OR3A2: variants seen among roughly 807,000 people sequenced by gnomAD.
OR3A2 encodes olfactory receptor 3A2.
For synonymous variants in OR3A2, 126 were observed against 159.3 expected, an observed-to-expected ratio of 0.79 and a Z score of 1.57; for missense variants, 318 against 392.8, an observed-to-expected ratio of 0.81 and a Z score of 1.61.
chr17:3,370,343 T>G (rs955536781), intron 2 of OR3A2, among the ~76,000 whole-genome samples: 2 of 152,198 alleles, frequency 1.3e-5, no homozygotes, highest in African/African-American at 4.8e-5. Flanking sequence ...GAATGATCTT[T>G]TGTATTTCTG....
exon 2 of OR3A2, chr17:3,278,037 C>T (rs1412080040): frequency 1.2e-6 from 2 of 1,611,232 alleles, no homozygotes; most frequent in Non-Finnish European, 8.5e-7. Flanking sequence ...GTTTCTGAGG[C>T]TGTAGATAAG....
chr17:3,308,442 C>A (rs1229879329), intron 3 of OR3A2, among the ~76,000 whole-genome samples: 1 of 152,118 alleles, frequency 6.6e-6, no homozygotes, highest in South Asian at 2.1e-4. Context: ...GGTCTCCATA[C>A]AAATGAAGTT....
chr17:3,355,436 CT>C (rs1463407233), intron 2 of OR3A2, among the ~76,000 whole-genome samples: 16 of 102,516 alleles, frequency 1.6e-4, no homozygotes, highest in African/African-American at 8.2e-4. Context: ...ATTTCTCTCT[CT>C]CTCTCTCTCT....
intron 3 of OR3A2, among the ~76,000 whole-genome samples, chr17:3,297,863 C>T (rs551653965): frequency 1.3e-5 from 2 of 151,828 alleles, no homozygotes; most frequent in East Asian, 1.9e-4. Context: ...TTGTGCAACA[C>T]GATAAAAGAT....
rs551222220 is a variant in OR3A2 at position 3,319,123 on chromosome 17, A to G, written c.-85+16910T>C. 7.9e-4 allele frequency among the ~76,000 whole-genome samples: 121 copies of G among 152,298 alleles called. 1 individual carries two copies. The highest frequency in any genetic ancestry group is 2.8e-3 in the African/African-American group (118 of 41,568). On this transcript the variant is annotated intron_variant, in intron 3 of 4. Transcript: ENST00000573491. The stretch of plus-strand genomic sequence containing the variant: ...GTCCATAGCCTTTACTATCATTGAA[A>G]AAACAGTGTCCCTCCACTAATTAAT...
chr17:3,312,871 G>A (rs946210329), intron 3 of OR3A2, among the ~76,000 whole-genome samples: 3 of 152,106 alleles, frequency 2.0e-5, no homozygotes, highest in Non-Finnish European at 4.4e-5. Flanking sequence ...TGATCCACCC[G>A]CCTCAGTCTC....
chr17:3,356,859 G>C (rs2049469344), intron 2 of OR3A2, among the ~76,000 whole-genome samples: 1 of 151,530 alleles, frequency 6.6e-6, no homozygotes, highest in African/African-American at 2.4e-5. Flanking sequence ...ACATGGCTAA[G>C]TACTGAGTTT....
At chr17:3,378,329 CCT>C (rs767002594) in intron 2 of OR3A2, among the ~76,000 whole-genome samples, 14 of 152,250 alleles carry the variant, frequency 9.2e-5, no homozygotes, top group Non-Finnish European at 1.3e-4. Context: ...ACGTCAGCCC[CCT>C]GAGTGTGTGC....
At chr17:3,382,107 G>A (rs768655204) in intron 2 of OR3A2, among the ~76,000 whole-genome samples, 6 of 152,154 alleles carry the variant, frequency 3.9e-5, no homozygotes, top group African/African-American at 1.2e-4. Context: ...GGAGCTGGGC[G>A]GGGTACTGGG....
intron 3 of OR3A2, chr17:3,310,866 C>T (rs570838350): frequency 2.9e-6 from 3 of 1,038,728 alleles, no homozygotes; most frequent in East Asian, 4.2e-5. Context: ...TGACCTCCCA[C>T]AGCCCTTCCA....
intron 2 of OR3A2, among the ~76,000 whole-genome samples, chr17:3,363,538 T>C (rs1346694547): frequency 1.3e-5 from 2 of 151,832 alleles, no homozygotes; most frequent in African/African-American, 2.4e-5. Flanking sequence ...GACAAGTCTC[T>C]ATGAAGTTCT....
intron 1 of OR3A2, chr17:3,385,842 C>T (rs2049772756): frequency 5.0e-6 from 2 of 398,382 alleles, no homozygotes; most frequent in Non-Finnish European, 8.8e-6. Context: ...TCTGGAACCT[C>T]AACATGCAGG....
At chr17:3,378,768 C>G (rs1317573821) in intron 2 of OR3A2, among the ~76,000 whole-genome samples, 1 of 152,152 alleles carries the variant, frequency 6.6e-6, no homozygotes, top group African/African-American at 2.4e-5. Flanking sequence ...GTTTAAATAC[C>G]ACTTCCCCCC....
chr17:3,378,040 G>A (rs935062304), intron 2 of OR3A2, among the ~76,000 whole-genome samples: 1 of 152,220 alleles, frequency 6.6e-6, no homozygotes, highest in Non-Finnish European at 1.5e-5. Flanking sequence ...TCATCAATGA[G>A]GTTCGCACAC....
intron 3 of OR3A2, among the ~76,000 whole-genome samples, chr17:3,317,602 C>T (rs946702886): frequency 2.6e-5 from 4 of 151,980 alleles, no homozygotes; most frequent in Non-Finnish European, 5.9e-5. Context: ...CCCTGTGGGC[C>T]CCAGTTTTCC....
chr17:3,372,557 T>A lies in OR3A2; in HGVS notation c.-179+11247A>T, dbSNP rs1202805291. Among the ~76,000 whole-genome samples the A allele has an allele frequency of 3.8e-3, 573 of 151,834 alleles. 4 individuals are homozygous for A. Among genetic ancestry groups the A allele is most frequent in the African/African-American group, 0.013 (540 of 41,228 alleles). The stretch of plus-strand genomic sequence containing the variant: ...CCATTGAGCACTGAGTGAACGAGAC[T>A]CCGTCTGCAATCCCGGCACCTCGGG... On this transcript the variant is annotated intron_variant, in intron 2 of 4. Coordinates refer to the OR3A2 transcript ENST00000573491.
chr17:3,360,980 T>A (rs1250691014), intron 2 of OR3A2, among the ~76,000 whole-genome samples: 2 of 151,556 alleles, frequency 1.3e-5, no homozygotes, highest in Non-Finnish European at 2.9e-5. Context: ...TTGATGGGGA[T>A]GGCATTGAAT....
chr17:3,373,105 G>C (rs966211401), intron 2 of OR3A2, among the ~76,000 whole-genome samples: 2 of 152,072 alleles, frequency 1.3e-5, no homozygotes, highest in Non-Finnish European at 2.9e-5. Context: ...GTGTAGTTTT[G>C]AGGGTTCCTT....
intron 3 of OR3A2, among the ~76,000 whole-genome samples, chr17:3,304,247 T>C (rs1032496829): frequency 2.0e-5 from 3 of 152,156 alleles, no homozygotes; most frequent in East Asian, 1.9e-4. Flanking sequence ...TTTTCTCTCA[T>C]GCACACACAG....
Sources: gnomAD v4.1 joint callset for allele counts (sites outside exome capture counted in the v4.1 genomes callset) on GRCh38, gnomAD v4.1.1 for gene constraint, MANE v1.5 for transcripts, NCBI Gene and HGNC (gene_info 2026-07-23, HGNC 2026-07-21) for gene names.